HMCN1: variants seen among roughly 807,000 people sequenced by gnomAD.
HMCN1 encodes hemicentin-1.
A neutral mutation model predicts 625.9 loss-of-function variants in HMCN1; 321 were observed. The ratio of observed to expected loss-of-function variants is 0.51; its 90% CI spans 0.47 to 0.56. The LOEUF (loss-of-function observed/expected upper bound fraction) is 0.56. HMCN1 is among the 20% of genes least tolerant of loss of function. The pLI is 0.00. For synonymous variants in HMCN1, 2,425 were observed against 2,417.6 expected (o/e 1.00, Z -0.09); for missense variants, 6,588 against 6,887.3 (o/e 0.96, Z 1.54).
At chr1:186,138,071 G>A in intron 89 of HMCN1, 99 bp downstream of exon 89, 2 of 1,252,482 alleles carry the variant, frequency 1.6e-6, no homozygotes, top group South Asian at 2.5e-5. Context: ...GTAAAAAGAT[G>A]TTATGGCCTC....
rs1571342447 is a variant in HMCN1 at position 185,781,542 on chromosome 1, G to A, written c.268+46495G>A. Among the ~76,000 whole-genome samples the A allele has an allele frequency of 3.3e-5, 5 of 152,232 alleles. No homozygotes were observed. The South Asian group carries it at 1.0e-3, about 32-fold the overall frequency. On this transcript the variant is annotated intron_variant, in intron 1 of 106. Coordinates refer to ENST00000271588, the MANE Select transcript of HMCN1 (RefSeq NM_031935.3). ...AAATGTGTCCTGGCAATTCTGGTAT[G>A]TTGTGTCTTTGTTCTCATTGGTTTC...
chr1:185,998,376 G>A (rs1354520536), intron 25 of HMCN1, among the ~76,000 whole-genome samples: 2 of 152,130 alleles, frequency 1.3e-5, no homozygotes, highest in Non-Finnish European at 2.9e-5. Context: ...TTCAATCTCA[G>A]CAGCAGCTGC....
intron 57 of HMCN1, among the ~76,000 whole-genome samples, chr1:186,084,070 T>C (rs1421143790): frequency 6.6e-6 from 1 of 152,178 alleles, no homozygotes; most frequent in Non-Finnish European, 1.5e-5. Flanking sequence ...TCATTTTTCC[T>C]TCTCTATGTC....
At chr1:186,105,672 A>G (rs971719418) in intron 69 of HMCN1, among the ~76,000 whole-genome samples, 1 of 152,216 alleles carries the variant, frequency 6.6e-6, no homozygotes. Flanking sequence ...AATTTTTCTA[A>G]CATTCTATTA....
chr1:186,116,579 G>A (rs1311113434), intron 75 of HMCN1, among the ~76,000 whole-genome samples: 2 of 152,108 alleles, frequency 1.3e-5, no homozygotes. Flanking sequence ...AACCTGCTAG[G>A]TTATTGTGAA....
chr1:185,908,824 T>TATGCTATATATAATTATATATAG (rs1558057146), intron 4 of HMCN1, among the ~76,000 whole-genome samples: 1 of 148,030 alleles, frequency 6.8e-6, no homozygotes, highest in South Asian at 2.1e-4. Flanking sequence ...CTGTAATATA[T>TATGCTATATATAATTATATATAG]TATAATATAC....
intron 19 of HMCN1, 51 bp downstream of exon 19, chr1:185,984,364 GTTC>G (rs769640801): frequency 1.3e-6 from 2 of 1,556,014 alleles, no homozygotes; most frequent in Non-Finnish European, 1.8e-6. Flanking sequence ...CAAAGTAGTT[GTTC>G]TTATATTTTA....
intron 26 of HMCN1, among the ~76,000 whole-genome samples, 189 bp from the exon 27 acceptor site, chr1:186,001,109 A>G (rs182105203): frequency 7.9e-5 from 12 of 152,234 alleles, no homozygotes; most frequent in East Asian, 3.9e-4. Context: ...TAAAAATCCA[A>G]TAAGGGTTGT....
Position 186,157,264 on chromosome 1 carries a change from A to G in HMCN1, c.15256+3277A>G, listed in dbSNP as rs1188876092. 2.6e-5 allele frequency among the ~76,000 whole-genome samples: 4 copies of G among 152,196 alleles called. No homozygotes were observed. The East Asian group carries it at 5.8e-4, about 22-fold the overall frequency. On this transcript the variant is annotated intron_variant, in intron 97 of 106. Coordinates refer to ENST00000271588, the MANE Select transcript of HMCN1 (RefSeq NM_031935.3). ...TATGCTTTTCAAGGTTTCTATTACT[A>G]TCATACATTATAAGCAAATATTTTT... is the stretch of plus-strand genomic sequence containing the variant.
At chr1:185,924,487 T>C (rs902768030) in intron 8 of HMCN1, among the ~76,000 whole-genome samples, 4 of 152,204 alleles carry the variant, frequency 2.6e-5, no homozygotes, top group Middle Eastern at 3.4e-3. Context: ...CATTTATACA[T>C]AAGATAGTGA....
At chr1:186,166,751 G>T in intron 99 of HMCN1, 57 bp from the exon 100 acceptor site, 2 of 1,613,144 alleles carry the variant, frequency 1.2e-6, no homozygotes, top group Non-Finnish European at 1.7e-6. Context: ...TTCACCGCAG[G>T]TTCTTGGGCT....
rs72718874 is a variant in HMCN1, at chr1:185,995,728, T to G, written c.3778+641T>G. Among the ~76,000 whole-genome samples the G allele has an allele frequency of 6.4e-4, 98 of 152,162 alleles. 1 individual carries two copies. The Middle Eastern group carries it at 0.014, about 21-fold the overall frequency. On this transcript the variant is annotated intron_variant, in intron 24 of 106. Coordinates refer to ENST00000271588, the MANE Select transcript of HMCN1 (RefSeq NM_031935.3). ...TAAGACAATGGTCCTGAGAGTTGCC[T>G]ATGTTAGATTAGACTATCAAGCAGG...
At chr1:185,924,379 T>C (rs1391228191) in intron 8 of HMCN1, among the ~76,000 whole-genome samples, 1 of 151,922 alleles carries the variant, frequency 6.6e-6, no homozygotes, top group Non-Finnish European at 1.5e-5. Flanking sequence ...TACAGGCGCC[T>C]GCCACCTCGC....
intron 10 of HMCN1, 93 bp from the exon 11 acceptor site, chr1:185,933,455 GT>G: frequency 8.3e-7 from 1 of 1,207,574 alleles, no homozygotes; most frequent in Non-Finnish European, 1.2e-6. Flanking sequence ...CCTACTGGAT[GT>G]TCAGTACATA....
chr1:185,858,910 T>G (rs1159238063), intron 2 of HMCN1, among the ~76,000 whole-genome samples: 1 of 152,010 alleles, frequency 6.6e-6, no homozygotes, highest in Non-Finnish European at 1.5e-5. Context: ...ATGAACAATT[T>G]TAGCAATGCT....
rs954614597 is a variant in HMCN1, at chr1:185,952,530, C to T, written c.1829-9988C>T. Among the ~76,000 whole-genome samples the T allele has an allele frequency of 8.6e-5, 13 of 151,880 alleles. No homozygotes were observed. In the East Asian group the frequency reaches 1.2e-3, roughly 14 times the overall value. On this transcript the variant is annotated intron_variant, in intron 11 of 106. Coordinates refer to ENST00000271588, the MANE Select transcript of HMCN1 (RefSeq NM_031935.3). The stretch of plus-strand genomic sequence containing the variant: ...ACTGATGTGTAAAAGAATGCCTGGA[C>T]GTCAGGCACCTCAGACCATTTGCCC...
chr1:186,161,330 G>A (rs1651461838), intron 97 of HMCN1, among the ~76,000 whole-genome samples: 1 of 151,568 alleles, frequency 6.6e-6, no homozygotes, highest in Admixed American at 6.6e-5. Flanking sequence ...ATGTGAGATG[G>A]GTTTCCTGAA....
Position 186,103,632 on chromosome 1 carries a change from A to T in HMCN1, c.10734A>T (p.Leu3578=), listed in dbSNP as rs1440059717. The stretch of plus-strand genomic sequence containing the variant: ...CACAGACGGATCAAGTGCAAACTCT[A>T]GGAGGAGGAGAGGTTCTTCGAATTT... ...PLPQTDQVQT[L]GGGEVLRIST... Residue 3578 remains leucine, a synonymous_variant, in exon 69 of 107, where the codon CTA becomes CTT. Coordinates refer to ENST00000271588, the MANE Select transcript of HMCN1 (RefSeq NM_031935.3). 1 of 1,613,700 alleles carries T rather than the reference A, an allele frequency of 6.2e-7. No homozygotes were observed. Among genetic ancestry groups the T allele is most frequent in the African/African-American group, 1.3e-5 (1 of 74,904 alleles).
In HMCN1 at chr1:185,747,322, C is replaced by CT. The variant is rs376197957; in HGVS notation, c.268+12289dup. On this transcript the variant is annotated intron_variant, in intron 1 of 106. Transcript: ENST00000271588. ...AATTTGTATTGTTAAAAACCTGTTA[C>CT]TTTTTTTTTTTTTTGAGACAGAGTT... Among the ~76,000 whole-genome samples the CT allele has an allele frequency of 6.9e-3, 996 of 143,330 alleles. 6 individuals carry two copies. The highest frequency in any genetic ancestry group is 0.021 in the East Asian group (104 of 4,926). The allele number at this position is 143,330 out of a possible 152,430, so 94.0% of individuals were successfully genotyped here. A position where few individuals can be genotyped will look rare whatever the true frequency, so the allele number is the denominator to read the frequency against.
Sources: allele counts gnomAD v4.1 joint callset (sites outside exome capture counted in the v4.1 genomes callset), GRCh38; gene constraint gnomAD v4.1.1; transcripts MANE v1.5; gene names NCBI Gene and HGNC (gene_info 2026-07-23, HGNC 2026-07-21).